MKLN1: variants seen among roughly 807,000 people sequenced by gnomAD.
MKLN1 encodes the protein muskelin.
MKLN1 carries 18 observed loss-of-function variants against 99.0 expected under a neutral mutation model. That is an observed-to-expected ratio of 0.18 (90% CI 0.13 to 0.27). MKLN1 has a LOEUF of 0.27. Ranked by LOEUF, MKLN1 falls within the 10% of genes least tolerant of loss-of-function variation. The pLI, the probability that MKLN1 is intolerant of heterozygous loss-of-function variation, is 1.00. For missense variants in MKLN1, 621 were observed against 875.9 expected (o/e 0.71, Z 3.67); for synonymous variants, 288 against 293.2 (o/e 0.98, Z 0.18).
At chr7:131,260,051 T>A (rs77894942) in intron 3 of MKLN1, among the ~76,000 whole-genome samples, 1 of 810 alleles carries the variant, frequency 1.2e-3, no homozygotes, top group Non-Finnish European at 0.016. Context: ...CAGCAGCATT[T>A]TTTTTTTTTT....
In MKLN1 at chr7:131,478,961, C is replaced by T. The variant is rs566478582; in HGVS notation, c.2086+284C>T. On this transcript the variant is annotated intron_variant, in intron 17 of 17. Coordinates refer to ENST00000352689, the MANE Select transcript of MKLN1 (RefSeq NM_013255.5). ...AATAAATTAATTTGTATAGCACTGC[C>T]TTGGAATGCAGGCTGTTTTACTGAT... The T allele has an allele frequency of 2.2e-4, 94 of 426,924 alleles. 2 individuals carry two copies. The South Asian group carries it at 2.6e-3, about 12-fold the overall frequency. The allele number at this position is 426,924 out of a possible 1,614,324, so 26.4% of individuals were successfully genotyped here.
At chr7:131,364,699 A>G (rs1467936079) in intron 1 of MKLN1, among the ~76,000 whole-genome samples, 3 of 152,092 alleles carry the variant, frequency 2.0e-5, no homozygotes, top group Non-Finnish European at 4.4e-5. Flanking sequence ...CTCATGATTT[A>G]GCTCCCACTT....
chr7:131,210,884 T>A lies in MKLN1; in HGVS notation c.-179+7910T>A, dbSNP rs181647903. On this transcript the variant is annotated intron_variant, in intron 3 of 7. Transcript: ENST00000416992. ...CCTATTATTGATAGGTTAGCAGGGT[T>A]GAAGTCGTTAAAATAGGAAATACAG... Among the ~76,000 whole-genome samples the A allele has an allele frequency of 4.0e-5, 6 of 150,532 alleles. No individual in the cohort carries two copies. In the East Asian group the frequency reaches 1.2e-3, roughly 30 times the overall value.
At chr7:131,405,764 T>C (rs1794685094) in intron 6 of MKLN1, among the ~76,000 whole-genome samples, 1 of 152,154 alleles carries the variant, frequency 6.6e-6, no homozygotes, top group Non-Finnish European at 1.5e-5. Flanking sequence ...TCTGGCATAA[T>C]TGCATAGGGG....
chr7:131,464,962 CAT>C, intron 14 of MKLN1, among the ~76,000 whole-genome samples: 1 of 152,086 alleles, frequency 6.6e-6, no homozygotes, highest in Non-Finnish European at 1.5e-5. Context: ...ACTTAGATTA[CAT>C]AGTAAATTAC....
chr7:131,260,491 C>T (rs1228554593), intron 3 of MKLN1, among the ~76,000 whole-genome samples: 2 of 152,138 alleles, frequency 1.3e-5, no homozygotes, highest in Non-Finnish European at 2.9e-5. Flanking sequence ...AATGAAAAAA[C>T]ATTCCATGCT....
At chr7:131,305,339 C>A (rs1291480115) in intron 3 of MKLN1, among the ~76,000 whole-genome samples, 1 of 152,104 alleles carries the variant, frequency 6.6e-6, no homozygotes, top group Non-Finnish European at 1.5e-5. Flanking sequence ...ACTTTGGTGG[C>A]CTTTAGTAAT....
intron 3 of MKLN1, among the ~76,000 whole-genome samples, chr7:131,213,877 A>G (rs1249358222): frequency 6.6e-6 from 1 of 152,114 alleles, no homozygotes; most frequent in African/African-American, 2.4e-5. Flanking sequence ...ATGCCTAGCA[A>G]AATATCTCCT....
chr7:131,231,119 CA>C (rs58048470), intron 3 of MKLN1, among the ~76,000 whole-genome samples: 6,271 of 59,620 alleles, frequency 0.11, 42 homozygotes, highest in African/African-American at 0.15. Flanking sequence ...GACTCTGTCT[CA>C]AAAAAAAAAA....
chr7:131,427,595 C>T (rs188225938), intron 8 of MKLN1, among the ~76,000 whole-genome samples: 1 of 152,240 alleles, frequency 6.6e-6, no homozygotes, highest in Non-Finnish European at 1.5e-5. Flanking sequence ...CACTGTCACC[C>T]CAGGCTGGAG....
intron 2 of MKLN1, among the ~76,000 whole-genome samples, chr7:131,194,767 A>G (rs1438173942): frequency 6.6e-6 from 1 of 152,226 alleles, no homozygotes; most frequent in Admixed American, 6.5e-5. Flanking sequence ...CTAGCAGTGC[A>G]GTAAGTCCAG....
At chr7:131,345,798 A>T (rs1584629859) in intron 1 of MKLN1, among the ~76,000 whole-genome samples, 1 of 152,226 alleles carries the variant, frequency 6.6e-6, no homozygotes, top group Non-Finnish European at 1.5e-5. Flanking sequence ...TATACATGAG[A>T]CAATTGTTTT....
chr7:131,464,182 C>A lies in MKLN1; in HGVS notation c.1674-112C>A, dbSNP rs1028035522. On this transcript the variant is annotated intron_variant, in intron 13 of 17. Transcript: ENST00000352689. Reference sequence around the variant, plus strand: ...CTAGAACTTTAAGATACGATGTGAACGCATTTCTAAAATTTTTTGTTAGTA... The same window carrying A: ...CTAGAACTTTAAGATACGATGTGAAAGCATTTCTAAAATTTTTTGTTAGTA... 78 of 547,360 alleles carry A rather than the reference C, an allele frequency of 1.4e-4. 1 individual carries two copies. Among genetic ancestry groups the A allele is most frequent in the African/African-American group, 1.9e-5 (1 of 53,488 alleles). 33.9% of individuals were successfully genotyped at this position (547,360 alleles called of 1,614,324 possible).
At chr7:131,463,399 T>C in intron 13 of MKLN1, 35 bp downstream of exon 13, 1 of 1,580,922 alleles carries the variant, frequency 6.3e-7, no homozygotes, top group Non-Finnish European at 8.6e-7. Context: ...AATCCCAATG[T>C]AATAATTATT....
At chr7:131,134,714 C>T (rs1212944931) in intron 1 of MKLN1, among the ~76,000 whole-genome samples, 1 of 152,156 alleles carries the variant, frequency 6.6e-6, no homozygotes. Flanking sequence ...ACCCTTCACC[C>T]CACTGCTGCT....
At position 131,491,108 on chromosome 7, in the gene MKLN1, G is replaced by A. The variant is rs1293609411; in HGVS notation, c.*3380G>A. The A allele has an allele frequency of 6.6e-6, 1 of 151,994 alleles. No homozygotes were observed. Among genetic ancestry groups the A allele is most frequent in the Non-Finnish European group, 1.5e-5 (1 of 67,998 alleles). The allele number at this position is 151,994 out of a possible 1,614,324, so 9.4% of individuals were successfully genotyped here. A position where few individuals can be genotyped will look rare whatever the true frequency, so the allele number is the denominator to read the frequency against. On this transcript the variant is annotated 3_prime_UTR_variant, in exon 18 of 18. Transcript: ENST00000352689. ...GGGTCATTTATTTCCTGAAAGTCAC[G>A]TGAAATCCTTAGCTGGTTGAATGTT...
intron 6 of MKLN1, among the ~76,000 whole-genome samples, chr7:131,400,835 A>G (rs1202910609): frequency 2.6e-5 from 4 of 152,110 alleles, no homozygotes; most frequent in African/African-American, 9.7e-5. Context: ...GGCTCTAGAA[A>G]GGAACCAAGT....
chr7:131,320,504 A>G (rs1798755578), intron 3 of MKLN1, among the ~76,000 whole-genome samples: 1 of 152,254 alleles, frequency 6.6e-6, no homozygotes, highest in South Asian at 2.1e-4. Context: ...AATACCATTC[A>G]GGACATAGGC....
intron 1 of MKLN1, among the ~76,000 whole-genome samples, chr7:131,120,321 C>T (rs535842967): frequency 1.8e-4 from 27 of 151,362 alleles, no homozygotes; most frequent in African/African-American, 4.6e-4. Flanking sequence ...GTCAGAAGAT[C>T]GAGACCATCC....
Sources: gnomAD v4.1 joint callset for allele counts (sites outside exome capture counted in the v4.1 genomes callset) on GRCh38, gnomAD v4.1.1 for gene constraint, MANE v1.5 for transcripts, NCBI Gene and HGNC (gene_info 2026-07-23, HGNC 2026-07-21) for gene names.